Variants in STK32C observed in about 807,000 individuals in gnomAD.
STK32C encodes the protein serine/threonine kinase 32C.
A neutral mutation model predicts 56.5 loss-of-function variants in STK32C; 31 were observed. The ratio of observed to expected loss-of-function variants is 0.55; its 90% CI spans 0.41 to 0.74. The LOEUF (loss-of-function observed/expected upper bound fraction) is 0.74, where lower values mean the gene tolerates loss of function less well. STK32C is among the 30% of genes least tolerant of loss of function. The pLI is 0.00. For synonymous variants in STK32C, 309 were observed against 289.4 expected (o/e 1.07, Z -0.69); for missense variants, 544 against 676.9 (o/e 0.80, Z 2.18).
downstream of STK32C, among the ~76,000 whole-genome samples, chr10:132,319,196 A>C (rs1234293328): frequency 6.6e-6 from 1 of 152,048 alleles, no homozygotes; most frequent in African/African-American, 2.4e-5. Context: ...TGATCCGCCC[A>C]CCTCGGCCTC....
intron 1 of STK32C, among the ~76,000 whole-genome samples, chr10:132,293,712 C>T (rs4462257): frequency 0.35 from 53,897 of 151,864 alleles, 9,930 homozygotes; most frequent in African/African-American, 0.41. Flanking sequence ...CAGCCAGGCA[C>T]GTGGTGAGCC....
At chr10:132,313,598 G>A (rs1412575251) in intron 1 of STK32C, among the ~76,000 whole-genome samples, 1 of 152,234 alleles carries the variant, frequency 6.6e-6, no homozygotes, top group East Asian at 1.9e-4. Flanking sequence ...ACACCCCCTC[G>A]AGGCAGCCCA....
chr10:132,216,789 G>C (rs970579024), intron 10 of STK32C, among the ~76,000 whole-genome samples: 4 of 152,260 alleles, frequency 2.6e-5, no homozygotes, highest in African/African-American at 9.6e-5. Context: ...GCCCCAAGCT[G>C]TGGCAGCTTC....
At position 132,224,093 on chromosome 10, in the gene STK32C, C is replaced by G. The variant is rs959766280; in HGVS notation, c.993+314G>C. Among the ~76,000 whole-genome samples, 6 of 151,420 alleles carry G rather than the reference C, an allele frequency of 4.0e-5. No homozygotes were observed. In the East Asian group the frequency reaches 1.2e-3, roughly 29 times the overall value. On this transcript the variant is annotated intron_variant, in intron 8 of 11. Transcript: ENST00000298630. Reference sequence around the variant, plus strand: ...TGGGACAAGGGGACGTGGCTCAGGGCTCCTCTGTGGTGACCGGCAGGGCGG... The same window carrying G: ...TGGGACAAGGGGACGTGGCTCAGGGGTCCTCTGTGGTGACCGGCAGGGCGG...
Position 132,228,059 on chromosome 10 carries a change from T to C in STK32C, c.388A>G (p.Ile130Val), listed in dbSNP as rs868530851. Residue 130 changes from isoleucine to valine, a missense_variant, in exon 3 of 12, where the codon ATC becomes GTC. Around this residue, in one of 3 missense-constraint regions of STK32C, gnomAD observed 182 missense variants for 217.7 expected, o/e 0.84. Coordinates refer to ENST00000298630, the MANE Select transcript of STK32C (RefSeq NM_173575.4). ...ACGTTGCGGACCTCGTCGCGCTCGATGCACTGCTGCTTGTTCATGTACTTC... is the reference window on the plus strand; with the variant it reads ...ACGTTGCGGACCTCGTCGCGCTCGACGCACTGCTGCTTGTTCATGTACTTC... Reference protein sequence around the residue: ...AMKYMNKQQCIERDEVRNVFR... With the variant: ...AMKYMNKQQCVERDEVRNVFR... The C allele has an allele frequency of 5.0e-6, 8 of 1,613,964 alleles. No individual in the cohort carries two copies. In the African/African-American group the frequency reaches 9.3e-5, roughly 19 times the overall value.
intron 1 of STK32C, among the ~76,000 whole-genome samples, chr10:132,329,985 C>CG (rs2066607945): frequency 6.6e-6 from 1 of 152,080 alleles, no homozygotes; most frequent in African/African-American, 2.4e-5. Flanking sequence ...AGTCGCTGCC[C>CG]GGAGGAAGGT....
At chr10:132,331,643 G>A (rs749225387) in exon 1 of STK32C, 6 of 1,612,742 alleles carry the variant, frequency 3.7e-6, no homozygotes, top group South Asian at 1.1e-5. Flanking sequence ...CCGCTCCAAA[G>A]GTGGTGCCTC....
intron 1 of STK32C, among the ~76,000 whole-genome samples, chr10:132,327,289 C>CT (rs1305530068): frequency 6.6e-6 from 1 of 152,190 alleles, no homozygotes; most frequent in Non-Finnish European, 1.5e-5. Flanking sequence ...TAAGATGTGA[C>CT]TTGCTCCTCC....
Position 132,228,105 on chromosome 10 carries a change from G to A in STK32C, c.342C>T (p.Asp114=), listed in dbSNP as rs1194394245. 2 of 1,613,856 alleles carry A rather than the reference G, an allele frequency of 1.2e-6. No homozygotes were observed. The highest frequency in any genetic ancestry group is 1.3e-5 in the African/African-American group (1 of 74,902). The part of the protein sequence containing the change: ...FGKVCIVQKR[D]TEKMYAMKYM... ...ACTTCATGGCGTACATCTTCTCCGT[G>A]TCCCGCTTCTGCACAATGCACACCT... Residue 114 remains aspartate, a synonymous_variant, in exon 3 of 12, where the codon GAC becomes GAT. Transcript: ENST00000298630.
At chr10:132,208,685 G>T (rs2062185496) in intron 11 of STK32C, among the ~76,000 whole-genome samples, 1 of 152,164 alleles carries the variant, frequency 6.6e-6, no homozygotes, top group African/African-American at 2.4e-5. Flanking sequence ...GTCCCCTGGG[G>T]CCTGACATTC....
chr10:132,224,325 G>A (rs12569396), intron 8 of STK32C, 82 bp downstream of exon 8: 2 of 1,012,598 alleles, frequency 2.0e-6, no homozygotes, highest in Non-Finnish European at 3.0e-6. Context: ...CTGTGCACTG[G>A]AGGGGGTGTC....
intron 10 of STK32C, among the ~76,000 whole-genome samples, chr10:132,220,438 A>AGGGAGCCT (rs2062599928): frequency 6.6e-6 from 1 of 152,254 alleles, no homozygotes; most frequent in Admixed American, 6.5e-5. Context: ...GCTGATTAAA[A>AGGGAGCCT]GGGAGCCTGT....
At chr10:132,329,856 A>G (rs1468647319) in intron 1 of STK32C, among the ~76,000 whole-genome samples, 3 of 152,260 alleles carry the variant, frequency 2.0e-5, no homozygotes, top group South Asian at 4.1e-4. Flanking sequence ...CAGCCAAACC[A>G]ACTTATACTC....
chr10:132,225,443 G>C, intron 6 of STK32C, 84 bp downstream of exon 6: 1 of 1,595,170 alleles, frequency 6.3e-7, no homozygotes, highest in Non-Finnish European at 8.6e-7. Context: ...GCTGCCTCCA[G>C]GGTGGGACAG....
chr10:132,241,574 A>G (rs1051787858), intron 2 of STK32C, among the ~76,000 whole-genome samples: 1 of 152,198 alleles, frequency 6.6e-6, no homozygotes, highest in African/African-American at 2.4e-5. Context: ...CTCCTATCCA[A>G]ATCCCAGCGG....
intron 3 of STK32C, among the ~76,000 whole-genome samples, chr10:132,227,447 G>A (rs1309718030): frequency 6.6e-6 from 1 of 152,180 alleles, no homozygotes; most frequent in Non-Finnish European, 1.5e-5. Context: ...CGGTGATGGT[G>A]AGGATGACGG....
chr10:132,310,489 A>T (rs2066199440), upstream of STK32C, among the ~76,000 whole-genome samples: 1 of 152,154 alleles, frequency 6.6e-6, no homozygotes, highest in Non-Finnish European at 1.5e-5. This position sits in a 1 kb window ranked among gnomAD's most constrained non-coding sequence, Gnocchi z 4.6. Flanking sequence ...GCTGTCCCCA[A>T]GAGGATGCCA....
intron 8 of STK32C, 69 bp from the exon 9 acceptor site, chr10:132,223,055 C>CCTCA: frequency 4.6e-6 from 7 of 1,507,294 alleles, no homozygotes; most frequent in Non-Finnish European, 6.2e-6. Flanking sequence ...CCGCCACCCC[C>CCTCA]AGGCCAGGGC....
intron 11 of STK32C, among the ~76,000 whole-genome samples, chr10:132,208,356 G>A (rs1207310839): frequency 2.0e-5 from 3 of 152,328 alleles, no homozygotes; most frequent in South Asian, 2.1e-4. Flanking sequence ...GCATGCTGGC[G>A]AGGCTCGGCG....
Sources: allele counts gnomAD v4.1 joint callset (sites outside exome capture counted in the v4.1 genomes callset), GRCh38; gene constraint gnomAD v4.1.1; regional missense constraint gnomAD v4.1.1; non-coding constraint Gnocchi (gnomAD v3.1); transcripts MANE v1.5; gene names NCBI Gene and HGNC (gene_info 2026-07-23, HGNC 2026-07-21).